The following TTLL9 variants were observed in gnomAD, a reference collection of about 807,000 sequenced individuals.
TTLL9 encodes probable tubulin polyglutamylase TTLL9.
TTLL9 carries 47 observed loss-of-function variants against 65.6 expected under a neutral mutation model. That is an observed-to-expected ratio of 0.72 (90% CI 0.57 to 0.91). The LOEUF (loss-of-function observed/expected upper bound fraction) is 0.91. Ranked by LOEUF, TTLL9 falls within the 40% of genes least tolerant of loss-of-function variation. The probability of loss-of-function intolerance (pLI) is 0.00; values close to 1 mark genes in which losing one functional copy is unlikely to be tolerated. For synonymous variants in TTLL9, 179 were observed against 204.8 expected (o/e 0.87, Z 1.07); for missense variants, 537 against 568.8 (o/e 0.94, Z 0.57).
chr20:31,928,724 A>G (rs2063952515), intron 10 of TTLL9, among the ~76,000 whole-genome samples: 1 of 152,224 alleles, frequency 6.6e-6, no homozygotes, highest in South Asian at 2.1e-4. Context: ...TCAAAATATC[A>G]TGACATAGAA....
intron 4 of TTLL9, among the ~76,000 whole-genome samples, chr20:31,907,791 G>A (rs1244297419): frequency 2.0e-5 from 3 of 151,958 alleles, no homozygotes; most frequent in South Asian, 2.1e-4. Context: ...GGTTTCCTTC[G>A]CGGCAGAACA....
In TTLL9 at chr20:31,919,847, C is replaced by T. The variant is rs771467256; in HGVS notation, c.505-17C>T. 7 of 1,579,256 alleles carry T rather than the reference C, an allele frequency of 4.4e-6. No homozygotes were observed. Among genetic ancestry groups the T allele is most frequent in the Admixed American group, 1.8e-5 (1 of 55,046 alleles). The stretch of plus-strand genomic sequence containing the variant: ...CGCAGAGCTAAGAGCTGGCTTTCTG[C>T]CCCCATCCCACCCCAGGTAGCCCGG... On this transcript the variant is annotated splice_polypyrimidine_tract_variant and intron_variant, in intron 6 of 14. Transcript: ENST00000535842.
intron 2 of TTLL9, among the ~76,000 whole-genome samples, chr20:31,873,183 T>A (rs1484540322): frequency 1.3e-5 from 2 of 152,166 alleles, no homozygotes; most frequent in African/African-American, 4.8e-5. Flanking sequence ...GAAGGAATTT[T>A]AGGATGGCCC....
chr20:31,877,064 G>A (rs1204611332), intron 2 of TTLL9, among the ~76,000 whole-genome samples: 2 of 152,254 alleles, frequency 1.3e-5, no homozygotes, highest in African/African-American at 4.8e-5. Context: ...GTAGGGGTGA[G>A]GGTGGGGTTA....
chr20:31,934,334 G>A lies in TTLL9; in HGVS notation c.808-358G>A, dbSNP rs1257769633. On this transcript the variant is annotated intron_variant, in intron 11 of 14. Coordinates refer to ENST00000535842, the MANE Select transcript of TTLL9 (RefSeq NM_001008409.5). ...CTTCCCTCCCCAGCTCCATCCCACA[G>A]TGGGGCCCTTGTGCATACACAGCCC... The A allele has an allele frequency of 6.3e-5, 33 of 519,820 alleles. 1 individual carries two copies. In the Admixed American group the frequency reaches 7.2e-4, roughly 11 times the overall value. 32.2% of individuals were successfully genotyped at this position (519,820 alleles called of 1,614,324 possible). A position where few individuals can be genotyped will look rare whatever the true frequency, so the allele number is the denominator to read the frequency against.
intron 6 of TTLL9, among the ~76,000 whole-genome samples, chr20:31,919,339 T>G (rs1334917921): frequency 6.6e-6 from 1 of 151,996 alleles, no homozygotes; most frequent in Non-Finnish European, 1.5e-5. Context: ...GCACTGTGAG[T>G]GTGCAAGGCC....
At chr20:31,926,509 A>G (rs761359549) in intron 10 of TTLL9, among the ~76,000 whole-genome samples, 7 of 129,868 alleles carry the variant, frequency 5.4e-5, no homozygotes, top group Non-Finnish European at 1.1e-4. Flanking sequence ...AGACAAATGC[A>G]CACATGCCCT....
chr20:31,872,517 A>G (rs2062952134), intron 2 of TTLL9, among the ~76,000 whole-genome samples: 1 of 151,684 alleles, frequency 6.6e-6, no homozygotes, highest in African/African-American at 2.4e-5. Context: ...CTTTTACAAA[A>G]AAAAAAAAAA....
intron 13 of TTLL9, among the ~76,000 whole-genome samples, chr20:31,938,866 G>C (rs1234693813): frequency 6.6e-6 from 1 of 152,150 alleles, no homozygotes; most frequent in Non-Finnish European, 1.5e-5. Context: ...GACAGAGAGA[G>C]ACTCTGTCTC....
chr20:31,885,672 T>C (rs1427438095), intron 2 of TTLL9, among the ~76,000 whole-genome samples: 1 of 152,134 alleles, frequency 6.6e-6, no homozygotes, highest in Non-Finnish European at 1.5e-5. Flanking sequence ...CCGCCGCTCT[T>C]TGAGGGGTAG....
intron 10 of TTLL9, among the ~76,000 whole-genome samples, chr20:31,933,198 G>A (rs140265173): frequency 3.3e-5 from 5 of 152,186 alleles, no homozygotes; most frequent in African/African-American, 4.8e-5. Context: ...TGCTGCTGAT[G>A]TCACTGGTGG....
intron 8 of TTLL9, among the ~76,000 whole-genome samples, chr20:31,923,667 G>A (rs919008760): frequency 6.6e-6 from 1 of 152,176 alleles, no homozygotes; most frequent in East Asian, 1.9e-4. Context: ...GGTTTCCCCA[G>A]GCGGGCCAAC....
At chr20:31,929,829 C>CT (rs1329427111) in intron 10 of TTLL9, among the ~76,000 whole-genome samples, 1 of 152,152 alleles carries the variant, frequency 6.6e-6, no homozygotes, top group East Asian at 1.9e-4. Flanking sequence ...CAGAAGAGTC[C>CT]TTTTATCTTT....
chr20:31,891,735 A>G (rs1357211964), intron 3 of TTLL9, among the ~76,000 whole-genome samples: 3 of 152,136 alleles, frequency 2.0e-5, no homozygotes, highest in African/African-American at 7.2e-5. Context: ...TGTGAACCCA[A>G]TTGACTTTTG....
At chr20:31,913,498 GCC>G (rs1462650779) in intron 6 of TTLL9, among the ~76,000 whole-genome samples, 3 of 152,040 alleles carry the variant, frequency 2.0e-5, no homozygotes, top group Non-Finnish European at 4.4e-5. Context: ...GTTGATCTTT[GCC>G]CACCCACAGG....
chr20:31,917,835 C>T (rs1376897736), intron 6 of TTLL9, among the ~76,000 whole-genome samples: 1 of 152,156 alleles, frequency 6.6e-6, no homozygotes, highest in Non-Finnish European at 1.5e-5. Flanking sequence ...TGAGAGGAAC[C>T]TTCTGGCTGA....
chr20:31,898,352 A>T, intron 3 of TTLL9, 121 bp from the exon 4 acceptor site: 1 of 714,470 alleles, frequency 1.4e-6, no homozygotes, highest in Non-Finnish European at 2.4e-6. Flanking sequence ...CTAAATTCTG[A>T]AATACAGTGT....
At chr20:31,921,013 T>A (rs2063808529) in intron 7 of TTLL9, among the ~76,000 whole-genome samples, 1 of 152,054 alleles carries the variant, frequency 6.6e-6, no homozygotes, top group Non-Finnish European at 1.5e-5. Context: ...AGGAGCAATG[T>A]CCTCGGGGGC....
At chr20:31,925,357 T>G (rs574522637) in intron 9 of TTLL9, among the ~76,000 whole-genome samples, 1 of 152,174 alleles carries the variant, frequency 6.6e-6, no homozygotes, top group Admixed American at 6.5e-5. Context: ...AGGTTTTATC[T>G]CATTCAGGCC....
Sources: gnomAD v4.1 joint callset for allele counts (sites outside exome capture counted in the v4.1 genomes callset) on GRCh38, gnomAD v4.1.1 for gene constraint, MANE v1.5 for transcripts, NCBI Gene and HGNC (gene_info 2026-07-23, HGNC 2026-07-21) for gene names.